PXK: variants seen among roughly 807,000 people sequenced by gnomAD.
PXK encodes the protein PX domain containing serine/threonine kinase like, also known as PX domain-containing protein kinase-like protein.
In PXK, 35 loss-of-function variants were observed where a neutral mutation model predicts 84.7. The observed-to-expected ratio is 0.41, with a 90% confidence interval of 0.32 to 0.55. The LOEUF (loss-of-function observed/expected upper bound fraction) is 0.55, where lower values mean the gene tolerates loss of function less well. Ranked by LOEUF, PXK falls within the 20% of genes least tolerant of loss-of-function variation. PXK has a pLI of 0.21. For synonymous variants in PXK, 253 were observed against 260.8 expected (o/e 0.97, Z 0.29); for missense variants, 634 against 699.7 (o/e 0.91, Z 1.06).
At chr3:58,380,458 A>G (rs1351207774) in intron 3 of PXK, among the ~76,000 whole-genome samples, 2 of 151,400 alleles carry the variant, frequency 1.3e-5, no homozygotes, top group Non-Finnish European at 1.5e-5. Flanking sequence ...AGGCATCAAT[A>G]TGCTTGAACC....
In PXK at chr3:58,416,187, GATCTT is replaced by G. The variant is rs2060934374; in HGVS notation, c.1528+3230_1528+3234del. ...AAGACAACTCAGGGACATATGTTAA[GATCTT>G]ATCTTTAGTTTCTATAGGGCAAGGG... On this transcript the variant is annotated intron_variant, in intron 17 of 17. Coordinates refer to ENST00000356151, the MANE Select transcript of PXK (RefSeq NM_017771.5). The surrounding 1 kb of genome is among the most constrained non-coding windows in gnomAD (Gnocchi z 4.8). Among the ~76,000 whole-genome samples, 2 of 152,212 alleles carry G rather than the reference GATCTT, an allele frequency of 1.3e-5. No homozygotes were observed. The highest frequency in any genetic ancestry group is 2.9e-5 in the Non-Finnish European group (2 of 68,032).
intron 1 of PXK, among the ~76,000 whole-genome samples, chr3:58,360,247 C>T (rs989689990): frequency 2.0e-5 from 3 of 152,134 alleles, no homozygotes; most frequent in African/African-American, 7.2e-5. Flanking sequence ...TATTGTTGAA[C>T]GTTGAATGTA....
chr3:58,396,118 C>G (rs1164222566), intron 9 of PXK, among the ~76,000 whole-genome samples: 2 of 152,126 alleles, frequency 1.3e-5, no homozygotes, highest in Non-Finnish European at 2.9e-5. Context: ...GTATAACCAA[C>G]AGTGAGAAGG....
chr3:58,421,991 G>T lies in PXK; in HGVS notation c.1529-2761G>T, dbSNP rs73837617. 6,364 of 985,370 alleles carry T rather than the reference G, an allele frequency of 6.5e-3. 352 individuals are homozygous for T. In the African/African-American group the frequency reaches 0.1, roughly 16 times the overall value. The allele number at this position is 985,370 out of a possible 1,614,324, so 61.0% of individuals were successfully genotyped here. A position where few individuals can be genotyped will look rare whatever the true frequency, so the allele number is the denominator to read the frequency against. On this transcript the variant is annotated intron_variant, in intron 17 of 17. Transcript: ENST00000356151. This position sits in a 1 kb window ranked among gnomAD's most constrained non-coding sequence, Gnocchi z 5.5. ...TGGCAGGAAGGCCTCATTCACATCT[G>T]AGGGGTGGAGAGCGCGCAGGCAGCA...
At chr3:58,403,780 A>C in intron 12 of PXK, 82 bp from the exon 13 acceptor site, 1 of 819,634 alleles carries the variant, frequency 1.2e-6, no homozygotes, top group Non-Finnish European at 1.9e-6. Flanking sequence ...TCATGGGCTA[A>C]AGGTGTCTTA....
Position 58,336,061 on chromosome 3 carries a change from ATATATATATATTTTT to A in PXK, c.102+2973_102+2987del, listed in dbSNP as rs1225909162. ...AACATATATATATATATATATATAT[ATATATATATATTTTT>A]TTTTTTTTTTTTTAATACCAATGGG... On this transcript the variant is annotated intron_variant, in intron 1 of 17. Coordinates refer to ENST00000356151, the MANE Select transcript of PXK (RefSeq NM_017771.5). Among the ~76,000 whole-genome samples, 27 of 57,870 alleles carry A rather than the reference ATATATATATATTTTT, an allele frequency of 4.7e-4. 1 individual carries two copies. Among genetic ancestry groups the A allele is most frequent in the African/African-American group, 2.7e-3 (25 of 9,330 alleles). 38.0% of individuals were successfully genotyped at this position (57,870 alleles called of 152,430 possible).
rs185985561 is a variant in PXK, at chr3:58,385,454, C to G, written c.388+2754C>G. ...TTCACAGCATGGCCCACGGAACATA[C>G]CCTGCACGCCTCTCACCTTGTGGCA... On this transcript the variant is annotated intron_variant, in intron 4 of 17. Transcript: ENST00000356151. This position sits in a 1 kb window ranked among gnomAD's most constrained non-coding sequence, Gnocchi z 5.1. Among the ~76,000 whole-genome samples, 3 of 152,298 alleles carry G rather than the reference C, an allele frequency of 2.0e-5. No individual in the cohort carries two copies. Among genetic ancestry groups the G allele is most frequent in the African/African-American group, 4.8e-5 (2 of 41,564 alleles).
chr3:58,402,256 CT>C (rs1214516114), intron 12 of PXK, among the ~76,000 whole-genome samples: 1 of 141,104 alleles, frequency 7.1e-6, no homozygotes, highest in Admixed American at 7.2e-5. Flanking sequence ...CGCACTCCCC[CT>C]CCCCCTCTCT....
Position 58,391,220 on chromosome 3 carries a change from G to A in PXK, c.540G>A (p.Trp180Ter). Residue 180 changes from tryptophan (W) to a stop codon, truncating the protein, a stop_gained and splice_region_variant, in exon 6 of 18, where the codon TGG becomes TGA. Transcript: ENST00000356151. LOFTEE classifies it high-confidence loss of function. ...CAAAGGAACGGCTAGTGTTAAGCTG[G>A]GTAAGCTAGCTTTTTGCTTTGGTCT... Reference protein sequence around the residue: ...NQPKERLVLSWADLGPDKYLS... With the variant: ...NQPKERLVLS 3.7e-6 allele frequency: 6 copies of A among 1,611,990 alleles called. No individual in the cohort carries two copies. The highest frequency in any genetic ancestry group is 5.1e-6 in the Non-Finnish European group (6 of 1,178,354).
At chr3:58,367,767 C>T (rs2098296698) in intron 2 of PXK, among the ~76,000 whole-genome samples, 1 of 152,172 alleles carries the variant, frequency 6.6e-6, no homozygotes. Flanking sequence ...ACTTCAGCCT[C>T]GACCTCCTGG....
At position 58,382,690 on chromosome 3, in the gene PXK, A is replaced by G; in HGVS notation, c.378A>G (p.Ala126=). The change falls in exon 4 of 18, where the codon GCA becomes GCG. Residue 126 remains alanine, a synonymous_variant. Transcript: ENST00000356151. ...KKFLDPNNYS[A]NYTEIALQQV... is the part of the protein sequence containing the mutation. Reference sequence around the variant, plus strand: ...TTTTAGATCCAAACAACTATTCCGCAAACTATACTGGTAAGCGAAGGAATC... The same window carrying G: ...TTTTAGATCCAAACAACTATTCCGCGAACTATACTGGTAAGCGAAGGAATC... The G allele has an allele frequency of 6.4e-7, 1 of 1,572,540 alleles. No homozygotes were observed. Among genetic ancestry groups the G allele is most frequent in the Non-Finnish European group, 8.6e-7 (1 of 1,164,036 alleles).
rs62258133 is a variant in PXK at position 58,412,591 on chromosome 3, C to T, written c.1466-310C>T. ...TGTCATTACCCAGGAGTGGAGGTTG[C>T]GTCAGGAAGAGATACTGCAGCCAAT... On this transcript the variant is annotated intron_variant, in intron 16 of 17. Transcript: ENST00000356151. This position sits in a 1 kb window ranked among gnomAD's most constrained non-coding sequence, Gnocchi z 6.2. Among the ~76,000 whole-genome samples, 2 of 151,870 alleles carry T rather than the reference C, an allele frequency of 1.3e-5. No homozygotes were observed. Among genetic ancestry groups the T allele is most frequent in the Non-Finnish European group, 2.9e-5 (2 of 67,960 alleles).
At chr3:58,367,419 G>A (rs1043977173) in intron 2 of PXK, among the ~76,000 whole-genome samples, 1 of 151,844 alleles carries the variant, frequency 6.6e-6, no homozygotes, top group Non-Finnish European at 1.5e-5. Context: ...TAATTTTTTT[G>A]TATTTTTAGT....
At chr3:58,372,415 C>T (rs565031596) in intron 3 of PXK, among the ~76,000 whole-genome samples, 75 of 151,464 alleles carry the variant, frequency 5.0e-4, no homozygotes, top group African/African-American at 1.7e-3. Context: ...CTCCGCCTCC[C>T]GGGTTCACCT....
chr3:58,357,964 C>A (rs1273026104), intron 1 of PXK, among the ~76,000 whole-genome samples: 12 of 148,882 alleles, frequency 8.1e-5, no homozygotes, highest in Middle Eastern at 3.4e-3. Flanking sequence ...GACTCTGTCT[C>A]AAAACAAAAA....
chr3:58,418,901 C>T (rs1203324201), intron 17 of PXK, among the ~76,000 whole-genome samples: 1 of 152,058 alleles, frequency 6.6e-6, no homozygotes, highest in Non-Finnish European at 1.5e-5. Flanking sequence ...ATTCAACTCG[C>T]AAAACAGATG....
At position 58,416,526 on chromosome 3, in the gene PXK, G is replaced by A. The variant is rs2060987094; in HGVS notation, c.1528+3563G>A. ...CCTTCTTCTAGGGTATGGGGCGTGT[G>A]TAGGAGATGCTTGGCAAATCTTTGA... On this transcript the variant is annotated intron_variant, in intron 17 of 17. Coordinates refer to ENST00000356151, the MANE Select transcript of PXK (RefSeq NM_017771.5). The surrounding 1 kb of genome is among the most constrained non-coding windows in gnomAD (Gnocchi z 4.8). 6.6e-6 allele frequency among the ~76,000 whole-genome samples: 1 copy of A among 152,196 alleles called. No homozygotes were observed. The highest frequency in any genetic ancestry group is 1.9e-4 in the East Asian group (1 of 5,194).
chr3:58,349,920 C>T (rs59443961), intron 1 of PXK, among the ~76,000 whole-genome samples: 1 of 152,010 alleles, frequency 6.6e-6, no homozygotes, highest in Non-Finnish European at 1.5e-5. Flanking sequence ...GCCCTGCAGC[C>T]ATTGGGGTTT....
chr3:58,367,400 A>C (rs530045657), intron 2 of PXK, among the ~76,000 whole-genome samples: 2 of 151,832 alleles, frequency 1.3e-5, no homozygotes, highest in Non-Finnish European at 1.5e-5. Flanking sequence ...ACCCGCCACC[A>C]CGCCCAGCTA....
Sources: allele counts gnomAD v4.1 joint callset (sites outside exome capture counted in the v4.1 genomes callset), GRCh38; gene constraint gnomAD v4.1.1; non-coding constraint Gnocchi (gnomAD v3.1); transcripts MANE v1.5; gene names NCBI Gene and HGNC (gene_info 2026-07-23, HGNC 2026-07-21).